CSMD1: variants seen among roughly 807,000 people sequenced by gnomAD.
CSMD1 encodes the protein CUB and sushi domain-containing protein 1.
Under a neutral mutation model 417.5 loss-of-function variants are expected in CSMD1, and 213 were observed. That is an observed-to-expected ratio of 0.51 (90% confidence interval 0.46 to 0.57). The LOEUF (loss-of-function observed/expected upper bound fraction) is 0.57. Ranked by LOEUF, CSMD1 falls within the 20% of genes least tolerant of loss-of-function variation. CSMD1 has a pLI of 0.00. For synonymous variants in CSMD1, 2,862 were observed against 1,736.8 expected, an observed-to-expected ratio of 1.65 and a Z score of -16.11; for missense variants, 6,923 against 4,529.7, an observed-to-expected ratio of 1.53 and a Z score of -15.17.
At chr8:4,973,260 G>T (rs952479706) in intron 1 of CSMD1, among the ~76,000 whole-genome samples, 9 of 152,074 alleles carry the variant, frequency 5.9e-5, no homozygotes, top group African/African-American at 1.9e-4. Context: ...ATGCTTGAGG[G>T]CAGGGACTTT....
intron 5 of CSMD1, among the ~76,000 whole-genome samples, chr8:3,921,928 T>A (rs1191790053): frequency 6.6e-6 from 1 of 152,174 alleles, no homozygotes; most frequent in Admixed American, 6.5e-5. Context: ...CCAAGTACAT[T>A]GCTTTCTTAT....
chr8:3,788,270 CT>C (rs1245380905), intron 5 of CSMD1, among the ~76,000 whole-genome samples: 2 of 152,148 alleles, frequency 1.3e-5, no homozygotes, highest in African/African-American at 4.8e-5. Context: ...CATCAGTTTT[CT>C]TTCTTAAGGA....
intron 7 of CSMD1, among the ~76,000 whole-genome samples, chr8:3,693,502 C>T (rs913544075): frequency 3.3e-5 from 5 of 152,012 alleles, no homozygotes; most frequent in Non-Finnish European, 5.9e-5. Context: ...AGCAGGCAGC[C>T]GCCTGGAGAT....
chr8:3,456,595 C>T lies in CSMD1; in HGVS notation c.1561+12117G>A, dbSNP rs79023119. Among the ~76,000 whole-genome samples the T allele has an allele frequency of 3.4e-3, 523 of 152,238 alleles. 1 individual carries two copies. The highest frequency in any genetic ancestry group is 0.012 in the African/African-American group (504 of 41,546). On this transcript the variant is annotated intron_variant, in intron 12 of 69. Coordinates refer to ENST00000635120, the MANE Select transcript of CSMD1 (RefSeq NM_033225.6). ...TTCCTACTATGCCAAAACCTAGTTG[C>T]GTTCTCTCCTATCCTATTTAGCATT...
At chr8:4,333,407 C>T (rs1276237541) in intron 3 of CSMD1, among the ~76,000 whole-genome samples, 1 of 152,104 alleles carries the variant, frequency 6.6e-6, no homozygotes, top group South Asian at 2.1e-4. Flanking sequence ...ATTTCTGTCT[C>T]CTCAACTACC....
intron 1 of CSMD1, among the ~76,000 whole-genome samples, chr8:4,919,995 C>A (rs1001859408): frequency 6.6e-6 from 1 of 152,190 alleles, no homozygotes; most frequent in Admixed American, 6.5e-5. Context: ...ATGAGAAATA[C>A]ATTTCTGTTC....
In CSMD1 at chr8:3,289,396, C is replaced by G. The variant is rs542603227; in HGVS notation, c.3951-5050G>C. ...TTCTAGTTCTAGATCCCTGAGGAATCGCCACACTGACTTCACAATGGTTGA... is the reference window on the plus strand; with the variant it reads ...TTCTAGTTCTAGATCCCTGAGGAATGGCCACACTGACTTCACAATGGTTGA... On this transcript the variant is annotated intron_variant, in intron 25 of 69. Coordinates refer to ENST00000635120, the MANE Select transcript of CSMD1 (RefSeq NM_033225.6). Among the ~76,000 whole-genome samples the G allele has an allele frequency of 4.1e-4, 60 of 146,816 alleles. 10 individuals are homozygous for G. Among genetic ancestry groups the G allele is most frequent in the South Asian group, 1.9e-3 (9 of 4,790 alleles).
chr8:4,626,537 C>T (rs556989679), intron 2 of CSMD1, among the ~76,000 whole-genome samples: 53 of 151,894 alleles, frequency 3.5e-4, no homozygotes, highest in Non-Finnish European at 6.6e-4. Context: ...GATCTTAAAG[C>T]GGTTGTAAGA....
intron 50 of CSMD1, among the ~76,000 whole-genome samples, chr8:3,046,038 A>G (rs1279831987): frequency 6.6e-6 from 1 of 152,148 alleles, no homozygotes; most frequent in African/African-American, 2.4e-5. Flanking sequence ...CCTCTTTATC[A>G]TACCTGACTT....
chr8:4,516,825 G>T (rs1803153648), intron 2 of CSMD1, among the ~76,000 whole-genome samples: 1 of 151,944 alleles, frequency 6.6e-6, no homozygotes, highest in Admixed American at 6.6e-5. Context: ...TATTTATTTT[G>T]GTTATTTTCA....
At position 3,678,383 on chromosome 8, in the gene CSMD1, G is replaced by A. The variant is rs113675926; in HGVS notation, c.1009+30031C>T. Among the ~76,000 whole-genome samples, 324 of 152,312 alleles carry A rather than the reference G, an allele frequency of 2.1e-3. 4 individuals carry two copies. Among genetic ancestry groups the A allele is most frequent in the African/African-American group, 7.4e-3 (309 of 41,580 alleles). ...GAAAACCATGGCACGGGAACTACGT[G>A]ATGAATGCACAAGTTTGAACAGCCG... On this transcript the variant is annotated intron_variant, in intron 7 of 69. Coordinates refer to ENST00000635120, the MANE Select transcript of CSMD1 (RefSeq NM_033225.6).
chr8:3,659,403 G>T (rs1344482356), intron 7 of CSMD1, among the ~76,000 whole-genome samples: 1 of 152,264 alleles, frequency 6.6e-6, no homozygotes, highest in East Asian at 1.9e-4. Context: ...CAGGTAACGG[G>T]TCTCAGTGTT....
At chr8:4,412,739 G>T (rs904407477) in intron 3 of CSMD1, among the ~76,000 whole-genome samples, 1 of 152,088 alleles carries the variant, frequency 6.6e-6, no homozygotes, top group Non-Finnish European at 1.5e-5. Context: ...ATAAATTACA[G>T]CTTATAGGAA....
chr8:3,378,666 G>A (rs536611035), intron 18 of CSMD1, among the ~76,000 whole-genome samples: 3 of 152,158 alleles, frequency 2.0e-5, no homozygotes, highest in Non-Finnish European at 4.4e-5. Flanking sequence ...TATCTCAAGA[G>A]ATGAAGAAAA....
chr8:3,885,479 G>C (rs1273225723), intron 5 of CSMD1, among the ~76,000 whole-genome samples: 1 of 152,240 alleles, frequency 6.6e-6, no homozygotes. Context: ...TTTTCTCAGA[G>C]ATGAAAATAA....
intron 11 of CSMD1, among the ~76,000 whole-genome samples, chr8:3,469,560 T>C (rs1333186084): frequency 1.3e-5 from 2 of 152,108 alleles, no homozygotes; most frequent in Non-Finnish European, 2.9e-5. Context: ...TTGATTGAAC[T>C]CAACATGCTG....
At position 4,321,219 on chromosome 8, in the gene CSMD1, G is replaced by A. The variant is rs137970275; in HGVS notation, c.415+98734C>T. On this transcript the variant is annotated intron_variant, in intron 3 of 69. Coordinates refer to ENST00000635120, the MANE Select transcript of CSMD1 (RefSeq NM_033225.6). ...ACATGTGTGTCCAGTGCATGAACAC[G>A]TTCATGAGGCGTGCCTACAGCTAGT... 3.9e-4 allele frequency among the ~76,000 whole-genome samples: 60 copies of A among 152,180 alleles called. 1 individual carries two copies. Among genetic ancestry groups the A allele is most frequent in the African/African-American group, 1.3e-3 (55 of 41,532 alleles).
At chr8:4,425,892 A>T (rs1276993880) in intron 2 of CSMD1, among the ~76,000 whole-genome samples, 1 of 152,140 alleles carries the variant, frequency 6.6e-6, no homozygotes, top group Non-Finnish European at 1.5e-5. Flanking sequence ...AATATGACAT[A>T]TGTTACTCCC....
intron 3 of CSMD1, among the ~76,000 whole-genome samples, chr8:4,114,514 C>G (rs1341391540): frequency 6.6e-6 from 1 of 152,050 alleles, no homozygotes; most frequent in Admixed American, 6.6e-5. Flanking sequence ...CATTCTGCAG[C>G]CCATGGATCA....
Sources: allele counts gnomAD v4.1 joint callset (sites outside exome capture counted in the v4.1 genomes callset), GRCh38; gene constraint gnomAD v4.1.1; transcripts MANE v1.5; gene names NCBI Gene and HGNC (gene_info 2026-07-23, HGNC 2026-07-21).